Variants in ATP6V1C2 observed in about 807,000 individuals in gnomAD.
ATP6V1C2 encodes the protein ATPase H+ transporting V1 subunit C2.
Under a neutral mutation model 56.8 loss-of-function variants are expected in ATP6V1C2, and 45 were observed. That is an observed-to-expected ratio of 0.79 (90% CI 0.62 to 1.02). ATP6V1C2 has a LOEUF of 1.02. ATP6V1C2 is among the 50% of genes least tolerant of loss of function. The pLI is 0.00. For missense variants in ATP6V1C2, 463 were observed against 519.7 expected, an observed-to-expected ratio of 0.89 and a Z score of 1.06; for synonymous variants, 220 against 201.3, an observed-to-expected ratio of 1.09 and a Z score of -0.79.
chr2:10,774,939 A>G, intron 9 of ATP6V1C2, 39 bp from the exon 10 acceptor site: 1 of 1,612,462 alleles, frequency 6.2e-7, no homozygotes, highest in Non-Finnish European at 8.5e-7. Flanking sequence ...CCCCTCTGGA[A>G]AGCTTCTGAG....
chr2:10,747,178 G>A (rs1480415638), intron 3 of ATP6V1C2, among the ~76,000 whole-genome samples: 1 of 152,112 alleles, frequency 6.6e-6, no homozygotes, highest in Non-Finnish European at 1.5e-5. Context: ...TGAGGCAGGA[G>A]AATTGCTTGA....
Position 10,775,135 on chromosome 2 carries a change from C to T in ATP6V1C2, c.825+64C>T. 4.9e-6 allele frequency: 6 copies of T among 1,234,136 alleles called. No homozygotes were observed. The South Asian group carries it at 4.9e-5, about 10-fold the overall frequency. 76.4% of individuals were successfully genotyped at this position (1,234,136 alleles called of 1,614,324 possible). On this transcript the variant is annotated intron_variant, in intron 10 of 13. Transcript: ENST00000272238. ...GGAGGCCTGGGGATAGAAGAGTCCT[C>T]CCAGGTCTCCAGCTCTCCCTCCTCC...
rs542372710 is a variant in ATP6V1C2, at chr2:10,736,938, A to G, written c.197+10369A>G. The stretch of plus-strand genomic sequence containing the variant: ...ATAGTTTATATTTTTTATAGGGACG[A>G]GGGTTTCACTATGTTGCCTAGACTA... On this transcript the variant is annotated intron_variant, in intron 3 of 13. Coordinates refer to ENST00000272238, the MANE Select transcript of ATP6V1C2 (RefSeq NM_001039362.2). 1.6e-4 allele frequency among the ~76,000 whole-genome samples: 24 copies of G among 151,790 alleles called. No homozygotes were observed. In the South Asian group the frequency reaches 5.0e-3, roughly 32 times the overall value.
intron 8 of ATP6V1C2, among the ~76,000 whole-genome samples, chr2:10,774,510 GTC>G (rs1179690819): frequency 6.6e-6 from 1 of 152,232 alleles, no homozygotes; most frequent in African/African-American, 2.4e-5. Context: ...GGAGGGCTTG[GTC>G]TCTCAGGAAT....
Position 10,773,374 on chromosome 2 carries a change from T to C in ATP6V1C2, c.638+764T>C, listed in dbSNP as rs1444082388. Among the ~76,000 whole-genome samples the C allele has an allele frequency of 2.0e-5, 3 of 152,158 alleles. No individual in the cohort carries two copies. The East Asian group carries it at 5.8e-4, about 29-fold the overall frequency. On this transcript the variant is annotated intron_variant, in intron 8 of 13. Coordinates refer to ENST00000272238, the MANE Select transcript of ATP6V1C2 (RefSeq NM_001039362.2). Reference sequence around the variant, plus strand: ...TGGAACTTTGGTTTTGGGTGGCTGATCCAAAGCTGCGCGTTTTCCTTTTTT... The same window carrying C: ...TGGAACTTTGGTTTTGGGTGGCTGACCCAAAGCTGCGCGTTTTCCTTTTTT...
intron 5 of ATP6V1C2, among the ~76,000 whole-genome samples, chr2:10,765,562 G>A (rs910029691): frequency 6.6e-6 from 1 of 152,228 alleles, no homozygotes; most frequent in South Asian, 2.1e-4. Flanking sequence ...GTAGGGTGGG[G>A]CCAGAAAGCT....
intron 1 of ATP6V1C2, 189 bp from the exon 2 acceptor site, chr2:10,722,635 G>A (rs1319074765): frequency 4.1e-5 from 23 of 567,712 alleles, no homozygotes; most frequent in Middle Eastern, 9.6e-4. Context: ...AGGGACCAAG[G>A]AGCTTTGGAG....
At chr2:10,724,640 G>T (rs541409499) in intron 2 of ATP6V1C2, among the ~76,000 whole-genome samples, 13 of 151,750 alleles carry the variant, frequency 8.6e-5, no homozygotes, top group Non-Finnish European at 1.8e-4. Context: ...ACTTGTCTTG[G>T]TAGAGATATT....
Position 10,774,960 on chromosome 2 carries a change from T to C in ATP6V1C2, c.732-18T>C. ...TGGAAAGCTTCTGAGTGAAAACCCA[T>C]GATTTGCTTGTTTTAAGGTTCACTG... is the stretch of plus-strand genomic sequence containing the variant. On this transcript the variant is annotated intron_variant, in intron 9 of 13. Transcript: ENST00000272238. 6.2e-7 allele frequency: 1 copy of C among 1,613,222 alleles called. No individual in the cohort carries two copies. Among genetic ancestry groups the C allele is most frequent in the Non-Finnish European group, 8.5e-7 (1 of 1,179,158 alleles).
chr2:10,759,219 C>G (rs1202767882), intron 4 of ATP6V1C2, among the ~76,000 whole-genome samples: 1 of 152,238 alleles, frequency 6.6e-6, no homozygotes, highest in African/African-American at 2.4e-5. Flanking sequence ...TTCAAAGGCT[C>G]TTGGCTTCGT....
chr2:10,770,541 C>T (rs1055468392), intron 6 of ATP6V1C2, among the ~76,000 whole-genome samples: 3 of 152,344 alleles, frequency 2.0e-5, no homozygotes, highest in Non-Finnish European at 1.5e-5. Context: ...GTCATCTGTC[C>T]GTCCTGGCTT....
chr2:10,727,852 C>T lies in ATP6V1C2; in HGVS notation c.197+1283C>T, dbSNP rs1049826956. On this transcript the variant is annotated intron_variant, in intron 3 of 13. Transcript: ENST00000272238. ...AGGGGGGATGGGGGTTGCAGTGAGCCGAGATCGCGCCACTTCACTCCAGCC... is the reference window on the plus strand; with the variant it reads ...AGGGGGGATGGGGGTTGCAGTGAGCTGAGATCGCGCCACTTCACTCCAGCC... 3.3e-5 allele frequency among the ~76,000 whole-genome samples: 5 copies of T among 152,028 alleles called. No homozygotes were observed. The South Asian group carries it at 1.0e-3, about 32-fold the overall frequency.
intron 4 of ATP6V1C2, among the ~76,000 whole-genome samples, chr2:10,761,588 T>G (rs1663908582): frequency 6.6e-6 from 1 of 152,188 alleles, no homozygotes. Flanking sequence ...AAAATACCAC[T>G]GACTGGGCAG....
In ATP6V1C2 at chr2:10,755,028, A is replaced by AT. The variant is rs1318019732; in HGVS notation, c.283+968dup. ...ACACCTGGCTAATATATATAGATAT[A>AT]TTTTTTGAGACGGAGTTTTTCTCGT... On this transcript the variant is annotated intron_variant, in intron 4 of 13. Coordinates refer to ENST00000272238, the MANE Select transcript of ATP6V1C2 (RefSeq NM_001039362.2). Among the ~76,000 whole-genome samples the AT allele has an allele frequency of 3.3e-5, 5 of 151,104 alleles. No homozygotes were observed. The East Asian group carries it at 1.0e-3, about 30-fold the overall frequency.
chr2:10,764,250 T>A (rs1664092027), intron 4 of ATP6V1C2, 81 bp from the exon 5 acceptor site: 2 of 1,281,240 alleles, frequency 1.6e-6, no homozygotes, highest in Admixed American at 1.7e-5. Context: ...TCCACGCTGA[T>A]GCTTGGCTTG....
rs182496998 is a variant in ATP6V1C2, at chr2:10,734,810, G to A, written c.197+8241G>A. ...TCTCTTCCATTCCACCCTCCTCCCCGATTGTACTATCAATCATTGTTACTT... is the reference window on the plus strand; with the variant it reads ...TCTCTTCCATTCCACCCTCCTCCCCAATTGTACTATCAATCATTGTTACTT... On this transcript the variant is annotated intron_variant, in intron 3 of 13. Transcript: ENST00000272238. Among the ~76,000 whole-genome samples the A allele has an allele frequency of 3.1e-3, 467 of 152,172 alleles. 1 individual carries two copies. Among genetic ancestry groups the A allele is most frequent in the Non-Finnish European group, 4.0e-3 (269 of 68,014 alleles).
chr2:10,781,221 T>A (rs935502767), intron 12 of ATP6V1C2, among the ~76,000 whole-genome samples: 4 of 152,078 alleles, frequency 2.6e-5, no homozygotes, highest in African/African-American at 9.7e-5. Flanking sequence ...GAGGCAGGCC[T>A]CTCCCTCAAG....
At chr2:10,734,354 G>A (rs1260239820) in intron 3 of ATP6V1C2, among the ~76,000 whole-genome samples, 1 of 152,024 alleles carries the variant, frequency 6.6e-6, no homozygotes, top group Non-Finnish European at 1.5e-5. Context: ...AACACACCCG[G>A]TGCTCCCCTC....
intron 3 of ATP6V1C2, among the ~76,000 whole-genome samples, chr2:10,737,560 G>A (rs1035845880): frequency 4.6e-5 from 7 of 152,070 alleles, no homozygotes; most frequent in African/African-American, 1.4e-4. Flanking sequence ...GTGTTCTCTT[G>A]TTTTCATTGC....
Sources: allele counts gnomAD v4.1 joint callset (sites outside exome capture counted in the v4.1 genomes callset), GRCh38; gene constraint gnomAD v4.1.1; transcripts MANE v1.5; gene names NCBI Gene and HGNC (gene_info 2026-07-23, HGNC 2026-07-21).